Variants in KIF6 observed in about 807,000 individuals in gnomAD.
KIF6 encodes kinesin family member 6.
Under a neutral mutation model 112.7 loss-of-function variants are expected in KIF6, and 106 were observed. That is an observed-to-expected ratio of 0.94 (90% CI 0.80 to 1.11). KIF6 has a LOEUF of 1.11. Among genes scored for constraint, KIF6 ranks in the 50% least tolerant of loss-of-function variants. KIF6 has a pLI of 0.00. For missense variants in KIF6, 929 were observed against 964.0 expected (o/e 0.96, Z 0.48); for synonymous variants, 339 against 339.9 (o/e 1.00, Z 0.03).
At chr6:39,507,653 T>A (rs1776506829) in intron 13 of KIF6, among the ~76,000 whole-genome samples, 1 of 133,060 alleles carries the variant, frequency 7.5e-6, no homozygotes, top group South Asian at 2.8e-4. Context: ...CCTTCCTTCC[T>A]TCCTTCCTTC....
At chr6:39,616,815 A>T (rs982024588) in intron 5 of KIF6, among the ~76,000 whole-genome samples, 5 of 152,156 alleles carry the variant, frequency 3.3e-5, no homozygotes, top group African/African-American at 1.2e-4. Context: ...GCAGAATGAG[A>T]GTGTTTTAAA....
At chr6:39,483,621 T>C (rs564043433) in intron 13 of KIF6, among the ~76,000 whole-genome samples, 5 of 152,298 alleles carry the variant, frequency 3.3e-5, no homozygotes, top group African/African-American at 9.6e-5. Context: ...ATTTCAAGCA[T>C]CTGAAAGAGA....
intron 5 of KIF6, among the ~76,000 whole-genome samples, chr6:39,621,436 G>T (rs1050998852): frequency 6.6e-6 from 1 of 152,104 alleles, no homozygotes; most frequent in African/African-American, 2.4e-5. Context: ...CTGGCCTCCC[G>T]CCATGTGCTA....
intron 13 of KIF6, among the ~76,000 whole-genome samples, chr6:39,452,022 G>C (rs183650279): frequency 3.0e-4 from 46 of 152,312 alleles, no homozygotes; most frequent in African/African-American, 8.7e-4. Flanking sequence ...TGAGCCTGCA[G>C]ATAGGCGGCA....
intron 10 of KIF6, among the ~76,000 whole-genome samples, chr6:39,576,942 A>G (rs1206294725): frequency 6.6e-6 from 1 of 152,198 alleles, no homozygotes; most frequent in East Asian, 1.9e-4. Context: ...ATAATTGGTA[A>G]TTCCCTTCTT....
chr6:39,455,599 G>A (rs548023058), intron 13 of KIF6, among the ~76,000 whole-genome samples: 3,304 of 149,902 alleles, frequency 0.022, 60 homozygotes, highest in Middle Eastern at 0.045. Context: ...TCAAACCAAA[G>A]GCAAAGAAGT....
chr6:39,371,957 C>G (rs563269291), intron 16 of KIF6, among the ~76,000 whole-genome samples: 1 of 152,222 alleles, frequency 6.6e-6, no homozygotes, highest in East Asian at 1.9e-4. Flanking sequence ...AATGGCCCTT[C>G]CTCCCTTCCT....
At chr6:39,681,891 G>A (rs1787540998) in intron 3 of KIF6, among the ~76,000 whole-genome samples, 1 of 152,164 alleles carries the variant, frequency 6.6e-6, no homozygotes, top group East Asian at 1.9e-4. Flanking sequence ...ACATCTTAGG[G>A]AATGATGAAT....
chr6:39,454,104 T>C (rs1010391669), intron 13 of KIF6, among the ~76,000 whole-genome samples: 2 of 152,158 alleles, frequency 1.3e-5, no homozygotes, highest in Non-Finnish European at 2.9e-5. Flanking sequence ...AGTAGATAAA[T>C]ACAGAACATG....
chr6:39,346,130 TCC>T lies in KIF6; in HGVS notation c.2232-343_2232-342del, dbSNP rs1308753864. On this transcript the variant is annotated intron_variant, in intron 20 of 22. Coordinates refer to ENST00000287152, the MANE Select transcript of KIF6 (RefSeq NM_145027.6). Reference sequence around the variant, plus strand: ...CCCTCCCTCTCCCTCTCCCTCCCTCTCCCTCTCTCTCTCTCTCTCTCTCTCTC... The same window carrying T: ...CCCTCCCTCTCCCTCTCCCTCCCTCTCTCTCTCTCTCTCTCTCTCTCTCTC... 1.0e-3 allele frequency among the ~76,000 whole-genome samples: 80 copies of T among 79,014 alleles called. 2 individuals are homozygous for T. The highest frequency in any genetic ancestry group is 3.0e-3 in the South Asian group (6 of 1,982). The allele number at this position is 79,014 out of a possible 152,430, so 51.8% of individuals were successfully genotyped here. A position where few individuals can be genotyped will look rare whatever the true frequency, so the allele number is the denominator to read the frequency against.
chr6:39,523,777 T>C (rs1181819397), intron 13 of KIF6, among the ~76,000 whole-genome samples: 1 of 149,614 alleles, frequency 6.7e-6, no homozygotes, highest in African/African-American at 2.4e-5. Context: ...ATAGTTGGCA[T>C]CCGTTTTCCA....
chr6:39,709,756 A>G (rs114406422), intron 3 of KIF6, among the ~76,000 whole-genome samples: 1 of 152,320 alleles, frequency 6.6e-6, no homozygotes, highest in African/African-American at 2.4e-5. Flanking sequence ...TTAAAGGGCT[A>G]GTTTAAAGTG....
At chr6:39,380,536 CGT>C (rs939417920) in intron 16 of KIF6, among the ~76,000 whole-genome samples, 3 of 152,050 alleles carry the variant, frequency 2.0e-5, no homozygotes, top group Non-Finnish European at 4.4e-5. Context: ...CACAGTCACG[CGT>C]GTGTGCACAT....
intron 3 of KIF6, among the ~76,000 whole-genome samples, chr6:39,659,875 T>C (rs1786032191): frequency 1.3e-5 from 2 of 152,194 alleles, no homozygotes; most frequent in African/African-American, 4.8e-5. Flanking sequence ...GCACAACAAA[T>C]CTGAATCAGT....
chr6:39,520,229 T>C (rs1345784412), intron 13 of KIF6, among the ~76,000 whole-genome samples: 2 of 152,180 alleles, frequency 1.3e-5, no homozygotes, highest in Non-Finnish European at 2.9e-5. Flanking sequence ...CAAGTTCAAT[T>C]TGAATTTCAG....
Position 39,544,458 on chromosome 6 carries a change from T to C in KIF6, c.1426+97A>G, listed in dbSNP as rs759279688. The C allele has an allele frequency of 2.4e-6, 3 of 1,263,414 alleles. No individual in the cohort carries two copies. In the Admixed American group the frequency reaches 8.3e-5, roughly 35 times the overall value. The allele number at this position is 1,263,414 out of a possible 1,614,324, so 78.3% of individuals were successfully genotyped here. The stretch of plus-strand genomic sequence containing the variant: ...GAAAGAAGCAATGTGAAATGGAAGC[T>C]GGGTGGGGAGCTCAGCCATGTGGCT... On this transcript the variant is annotated intron_variant, in intron 12 of 22. Coordinates refer to ENST00000287152, the MANE Select transcript of KIF6 (RefSeq NM_145027.6).
Position 39,615,280 on chromosome 6 carries a change from G to T in KIF6, c.510-1962C>A, listed in dbSNP as rs17652570. Among the ~76,000 whole-genome samples, 1,254 of 152,212 alleles carry T rather than the reference G, an allele frequency of 8.2e-3. 11 individuals are homozygous for T. Among genetic ancestry groups the T allele is most frequent in the Non-Finnish European group, 0.014 (936 of 68,002 alleles). On this transcript the variant is annotated intron_variant, in intron 5 of 22. Coordinates refer to ENST00000287152, the MANE Select transcript of KIF6 (RefSeq NM_145027.6). ...ACGAATTATCTAACTCTAAGGCAAA[G>T]TCACCTATGATACACTTTGAAAGAC... is the stretch of plus-strand genomic sequence containing the variant.
At chr6:39,391,012 A>G (rs934188771) in intron 15 of KIF6, among the ~76,000 whole-genome samples, 2 of 152,200 alleles carry the variant, frequency 1.3e-5, no homozygotes, top group East Asian at 3.9e-4. Context: ...AGACATATTC[A>G]TGTCCCCCTT....
intron 5 of KIF6, among the ~76,000 whole-genome samples, chr6:39,630,358 T>C (rs920182517): frequency 6.6e-6 from 1 of 152,130 alleles, no homozygotes; most frequent in African/African-American, 2.4e-5. Context: ...TTCTTTGATT[T>C]ATTTGATCAG....
Sources: gnomAD v4.1 joint callset for allele counts (sites outside exome capture counted in the v4.1 genomes callset) on GRCh38, gnomAD v4.1.1 for gene constraint, MANE v1.5 for transcripts, NCBI Gene and HGNC (gene_info 2026-07-23, HGNC 2026-07-21) for gene names.